RC3H1: variants seen among roughly 807,000 people sequenced by gnomAD.
The protein encoded by RC3H1 is roquin-1.
A neutral mutation model predicts 138.2 loss-of-function variants in RC3H1; 50 were observed. That is an observed-to-expected ratio of 0.36 (90% CI 0.29 to 0.46). The LOEUF (loss-of-function observed/expected upper bound fraction) is 0.46. Among genes scored for constraint, RC3H1 ranks in the 20% least tolerant of loss-of-function variants. The pLI is 1.00. For missense variants in RC3H1, 1,031 were observed against 1,388.1 expected (o/e 0.74, Z 4.09); for synonymous variants, 462 against 489.1 (o/e 0.94, Z 0.73).
At chr1:173,950,420 C>CAAAAAAAAAAAAAAAAAAAAAAAAAAAA (rs60259705) in intron 14 of RC3H1, among the ~76,000 whole-genome samples, 8 of 63,658 alleles carry the variant, frequency 1.3e-4, no homozygotes, top group African/African-American at 4.2e-4. Flanking sequence ...TCATCTCTAC[C>CAAAAAAAAAAAAAAAAAAAAAAAAAAAA]AAAAAAAAAA....
intron 18 of RC3H1, among the ~76,000 whole-genome samples, chr1:173,942,187 A>G (rs1383862760): frequency 1.3e-5 from 2 of 151,362 alleles, no homozygotes; most frequent in African/African-American, 4.9e-5. Context: ...GGTTGCAGCG[A>G]GCTGAGATCG....
intron 1 of RC3H1, among the ~76,000 whole-genome samples, chr1:174,010,311 T>C (rs1373340497): frequency 6.6e-6 from 1 of 152,072 alleles, no homozygotes; most frequent in African/African-American, 2.4e-5. Context: ...ATTGAGCATC[T>C]ACTACGTGCC....
intron 1 of RC3H1, among the ~76,000 whole-genome samples, chr1:174,004,125 A>T (rs1454731074): frequency 6.7e-6 from 1 of 149,836 alleles, no homozygotes; most frequent in South Asian, 2.1e-4. Flanking sequence ...TTATTTTTTG[A>T]GACAGGGTCT....
chr1:173,937,346 T>C lies in RC3H1; in HGVS notation c.*1375A>G, dbSNP rs1658645458. 6.6e-6 allele frequency: 1 copy of C among 152,344 alleles called. No homozygotes were observed. Among genetic ancestry groups the C allele is most frequent in the Admixed American group, 6.6e-5 (1 of 15,242 alleles). 9.4% of individuals were successfully genotyped at this position (152,344 alleles called of 1,614,324 possible). A position where few individuals can be genotyped will look rare whatever the true frequency, so the allele number is the denominator to read the frequency against. On this transcript the variant is annotated 3_prime_UTR_variant, in exon 20 of 20. Coordinates refer to ENST00000367696, the MANE Select transcript of RC3H1 (RefSeq NM_172071.4). ...CAAAGCAATGTAGTAACTTATTACA[T>C]AACCAGTGCTTTCTAATTTAGTAGT...
chr1:174,012,323 G>T (rs1661784668), intron 1 of RC3H1, among the ~76,000 whole-genome samples: 1 of 152,016 alleles, frequency 6.6e-6, no homozygotes. Flanking sequence ...CCTCATTTTA[G>T]TTTCTAATTG....
At chr1:173,976,256 G>T (rs1660577385) in intron 7 of RC3H1, among the ~76,000 whole-genome samples, 1 of 151,854 alleles carries the variant, frequency 6.6e-6, no homozygotes, top group South Asian at 2.1e-4. Flanking sequence ...GGCCAAGATG[G>T]TGAAACCCTG....
intron 1 of RC3H1, among the ~76,000 whole-genome samples, chr1:174,017,976 G>A (rs1282100751): frequency 6.6e-6 from 1 of 152,058 alleles, no homozygotes; most frequent in African/African-American, 2.4e-5. Context: ...GGAGGCAGAA[G>A]TGGGAGGATC....
At position 173,934,788 on chromosome 1, in the gene RC3H1, G is replaced by A. The variant is rs1355534249; in HGVS notation, c.*3933C>T. On this transcript the variant is annotated 3_prime_UTR_variant, in exon 20 of 20. Transcript: ENST00000367696. ...GCAGATTGGGGAGGGCAGTGGGTAA[G>A]TCAAGGGGAAATTACAGGGTGGAAA... The A allele has an allele frequency of 6.6e-6, 1 of 152,046 alleles. No individual in the cohort carries two copies. Among genetic ancestry groups the A allele is most frequent in the Non-Finnish European group, 1.5e-5 (1 of 68,022 alleles). 9.4% of individuals were successfully genotyped at this position (152,046 alleles called of 1,614,324 possible). A position where few individuals can be genotyped will look rare whatever the true frequency, so the allele number is the denominator to read the frequency against.
intron 2 of RC3H1, among the ~76,000 whole-genome samples, chr1:173,991,198 C>G (rs1661273993): frequency 6.6e-6 from 1 of 152,168 alleles, no homozygotes; most frequent in South Asian, 2.1e-4. Flanking sequence ...CCACTGTACT[C>G]CAGCCTGGGT....
In RC3H1 at chr1:173,964,037, C is replaced by G; in HGVS notation, c.1767G>C (p.Thr589=). The change falls in exon 11 of 20, where the codon ACG becomes ACC. Residue 589 remains threonine, a synonymous_variant. Transcript: ENST00000367696. ...RGSQLYPAQQ[T]DVYYQDPRGA... is the part of the protein sequence containing the mutation. ...CTCGAGGATCCTGATAATAAACATC[C>G]GTCTGTTGTGCTGGATATAACTGAG... 6.2e-7 allele frequency: 1 copy of G among 1,614,058 alleles called. No individual in the cohort carries two copies. Among genetic ancestry groups the G allele is most frequent in the Non-Finnish European group, 8.5e-7 (1 of 1,180,002 alleles).
At chr1:173,943,680 G>T in intron 17 of RC3H1, 65 bp from the exon 18 acceptor site, 2 of 1,472,006 alleles carry the variant, frequency 1.4e-6, no homozygotes, top group Non-Finnish European at 1.8e-6. Context: ...GAATAACCAG[G>T]CTCAATTCCA....
chr1:174,008,390 T>G (rs902061124), intron 1 of RC3H1, among the ~76,000 whole-genome samples: 41 of 151,724 alleles, frequency 2.7e-4, no homozygotes, highest in Admixed American at 1.3e-4. Context: ...TGAAAAACAG[T>G]GCTTAGAAAA....
intron 1 of RC3H1, among the ~76,000 whole-genome samples, chr1:174,004,161 G>A (rs948514248): frequency 2.0e-5 from 3 of 150,708 alleles, no homozygotes; most frequent in Non-Finnish European, 4.4e-5. Flanking sequence ...ACTGGAGTCA[G>A]CAGCACAATC....
At chr1:173,975,979 G>A (rs1660564253) in intron 7 of RC3H1, among the ~76,000 whole-genome samples, 1 of 149,248 alleles carries the variant, frequency 6.7e-6, no homozygotes, top group Non-Finnish European at 1.5e-5. Flanking sequence ...GAAGCTATGG[G>A]ATAGATAAGA....
chr1:173,996,317 T>C (rs1557950247), intron 1 of RC3H1, among the ~76,000 whole-genome samples: 1 of 151,778 alleles, frequency 6.6e-6, no homozygotes, highest in Non-Finnish European at 1.5e-5. Context: ...CCAATATATA[T>C]GACATCATTT....
intron 1 of RC3H1, among the ~76,000 whole-genome samples, chr1:174,020,184 T>C (rs1372003743): frequency 9.9e-5 from 15 of 151,912 alleles, no homozygotes; most frequent in Admixed American, 9.8e-4. Flanking sequence ...CGGTGTCCTT[T>C]CTGAAATATC....
intron 1 of RC3H1, among the ~76,000 whole-genome samples, chr1:174,016,476 C>T (rs1180345095): frequency 8.1e-6 from 1 of 123,844 alleles, no homozygotes; most frequent in African/African-American, 3.2e-5. Flanking sequence ...CCAGGCTGGT[C>T]TGGAACTCCT....
chr1:173,967,145 A>G (rs897182369), intron 9 of RC3H1, among the ~76,000 whole-genome samples: 1 of 152,020 alleles, frequency 6.6e-6, no homozygotes, highest in Admixed American at 6.6e-5. Context: ...AAACATGGGA[A>G]AACTGTCTCT....
At chr1:174,014,391 C>A (rs937680671) in intron 1 of RC3H1, among the ~76,000 whole-genome samples, 1 of 151,822 alleles carries the variant, frequency 6.6e-6, no homozygotes, top group Non-Finnish European at 1.5e-5. Context: ...TCAAAAAACT[C>A]AAATTTACAT....
Sources: allele counts gnomAD v4.1 joint callset (sites outside exome capture counted in the v4.1 genomes callset), GRCh38; gene constraint gnomAD v4.1.1; transcripts MANE v1.5; gene names NCBI Gene and HGNC (gene_info 2026-07-23, HGNC 2026-07-21).